The following ZNF544 variants were observed in gnomAD, a reference collection of about 807,000 sequenced individuals.
ZNF544 encodes the protein zinc finger protein AF020591.
In ZNF544, 10 loss-of-function variants were observed where a neutral mutation model predicts 13.5. That is an observed-to-expected ratio of 0.74 (90% CI 0.46 to 1.25). The LOEUF is 1.25. Among genes scored for constraint, ZNF544 ranks in the 50% most tolerant of loss-of-function variants. The pLI is 0.00. For synonymous variants in ZNF544, 323 were observed against 300.5 expected (o/e 1.07, Z -0.77); for missense variants, 896 against 845.6 (o/e 1.06, Z -0.74).
At position 58,273,373 on chromosome 19, in the gene ZNF544, C is replaced by T. The variant is rs543362709; in HGVS notation, c.245-2950C>T. On this transcript the variant is annotated intron_variant, in intron 5 of 6. Coordinates refer to the ZNF544 transcript ENST00000595981. ...TAAGTACTCTGTATCAAATGATCAA[C>T]ATGAATACAAAATACCAAAGCTTGC... 5.3e-5 allele frequency among the ~76,000 whole-genome samples: 8 copies of T among 152,090 alleles called. No individual in the cohort carries two copies. The South Asian group carries it at 1.7e-3, about 32-fold the overall frequency.
chr19:58,264,915 T>G (rs1230804149), downstream of ZNF544, among the ~76,000 whole-genome samples: 6 of 151,244 alleles, frequency 4.0e-5, no homozygotes, highest in African/African-American at 1.5e-4. Context: ...GAGGCAGGAG[T>G]ATTACTTGAG....
Position 58,260,921 on chromosome 19 carries a change from C to A in ZNF544, c.315C>A (p.His105Gln). ...ATCGAGCTAGGGAAGAACTATCCCACCACGTGGAAGTGTACAGGAGTGGAC... is the reference window on the plus strand; with the variant it reads ...ATCGAGCTAGGGAAGAACTATCCCAACACGTGGAAGTGTACAGGAGTGGAC... ...EKDRAREELS[H>Q]HVEVYRSGPE... Residue 105 changes from histidine to glutamine, a missense_variant, in exon 7 of 7, where the codon CAC becomes CAA. His to Gln is a conservative substitution (Grantham distance 24). Transcript: ENST00000687789. 6.2e-7 allele frequency: 1 copy of A among 1,613,968 alleles called. No individual in the cohort carries two copies. The highest frequency in any genetic ancestry group is 8.5e-7 in the Non-Finnish European group (1 of 1,179,992).
chr19:58,261,326 C>G lies in ZNF544; in HGVS notation c.720C>G (p.Asn240Lys). The part of the protein sequence containing the change: ...KLGNVETGKK[N>K]PYEYIVSGDS... ...GAAACGTTGAAACAGGAAAGAAAAA[C>G]CCTTATGAATATATTGTCAGTGGTG... The change falls in exon 7 of 7, where the codon AAC becomes AAG. Residue 240 changes from asparagine to lysine, a missense_variant. By Grantham distance (94) the Asn-to-Lys change is moderately conservative. Coordinates refer to ENST00000687789, the MANE Select transcript of ZNF544 (RefSeq NM_014480.4). The G allele has an allele frequency of 1.2e-6, 2 of 1,614,116 alleles. No individual in the cohort carries two copies. The highest frequency in any genetic ancestry group is 1.7e-6 in the Non-Finnish European group (2 of 1,180,038).
rs1568498428 is a variant in ZNF544, at chr19:58,261,346, G to C, written c.740G>C (p.Ser247Thr). The C allele has an allele frequency of 6.2e-7, 1 of 1,614,184 alleles. No individual in the cohort carries two copies. Among genetic ancestry groups the C allele is most frequent in the Non-Finnish European group, 8.5e-7 (1 of 1,180,044 alleles). The change falls in exon 7 of 7, where the codon AGT (serine) becomes ACT (threonine). Residue 247 changes from serine (S) to threonine (T), a missense_variant. Physicochemically the swap from Ser to Thr is moderately conservative, Grantham distance 58. Transcript: ENST00000687789. ...AAAAACCCTTATGAATATATTGTCA[G>C]TGGTGACTCTCTCAACTATGGTTCC... Reference protein sequence around the residue: ...GKKNPYEYIVSGDSLNYGSSL... With the variant: ...GKKNPYEYIVTGDSLNYGSSL...
chr19:58,273,940 C>T (rs1208190595), intron 5 of ZNF544, among the ~76,000 whole-genome samples: 4 of 151,596 alleles, frequency 2.6e-5, no homozygotes, highest in East Asian at 4.0e-4. Flanking sequence ...GGATTACAGG[C>T]GCATGCCACC....
intron 5 of ZNF544, among the ~76,000 whole-genome samples, chr19:58,276,100 C>T (rs1007625035): frequency 1.6e-4 from 24 of 152,246 alleles, no homozygotes; most frequent in Admixed American, 1.4e-3. Context: ...TCACTTGAGC[C>T]TGGGAAGTGG....
At chr19:58,266,833 G>C (rs1466229749), downstream of ZNF544, 2 of 152,220 alleles carry the variant, frequency 1.3e-5, no homozygotes, top group Non-Finnish European at 2.9e-5. Flanking sequence ...TCTGCAGCAA[G>C]GGCTGCTTTA....
chr19:58,267,849 C>T (rs1455348890), downstream of ZNF544, among the ~76,000 whole-genome samples: 119 of 149,850 alleles, frequency 7.9e-4, 1 homozygote, highest in East Asian at 2.0e-4. Flanking sequence ...GGCATGGTGG[C>T]GGGCACCTGT....
chr19:58,277,336 A>G, exon 7 of ZNF544: 1 of 1,074,564 alleles, frequency 9.3e-7, no homozygotes, highest in African/African-American at 1.6e-5. Flanking sequence ...CCCACTGGTA[A>G]CGTCTTCACC....
chr19:58,259,726 C>G (rs2048477780), intron 6 of ZNF544: 1 of 152,084 alleles, frequency 6.6e-6, no homozygotes, highest in African/African-American at 2.4e-5. Flanking sequence ...TTAGAGCCCC[C>G]CTGGATAGTA....
In ZNF544 at chr19:58,260,789, TC is replaced by T. The variant is rs2048753149; in HGVS notation, c.245-57del. 3.5e-6 allele frequency: 5 copies of T among 1,426,904 alleles called. No homozygotes were observed. In the East Asian group the frequency reaches 9.5e-5, roughly 27 times the overall value. The allele number at this position is 1,426,904 out of a possible 1,614,324, so 88.4% of individuals were successfully genotyped here. The stretch of plus-strand genomic sequence containing the variant: ...CCATTAAACAGTTGTCTCCTTCATC[TC>T]CCCCTCCCCCTCCCCCTCTGATGCT... On this transcript the variant is annotated intron_variant, in intron 6 of 6. Coordinates refer to ENST00000687789, the MANE Select transcript of ZNF544 (RefSeq NM_014480.4).
chr19:58,249,631 G>A (rs1245596693), intron 6 of ZNF544, among the ~76,000 whole-genome samples: 3 of 152,250 alleles, frequency 2.0e-5, no homozygotes, highest in African/African-American at 7.2e-5. Context: ...AGGCCCAGTT[G>A]GGTAGTTTTT....
intron 6 of ZNF544, chr19:58,259,727 CT>C (rs1231905268): frequency 1.3e-5 from 2 of 152,090 alleles, no homozygotes; most frequent in African/African-American, 4.8e-5. Flanking sequence ...TAGAGCCCCC[CT>C]GGATAGTACA....
chr19:58,243,886 C>T (rs745488815), intron 3 of ZNF544, 79 bp from the exon 4 acceptor site: 16 of 1,214,082 alleles, frequency 1.3e-5, no homozygotes, highest in Admixed American at 2.9e-5. Flanking sequence ...TGGCCGGCCC[C>T]GCGTTCTCTA....
Position 58,256,370 on chromosome 19 carries a change from G to T in ZNF544, c.245-4481G>T, listed in dbSNP as rs773964638. Reference sequence around the variant, plus strand: ...CGAATTAAGAGTCCTTAATTAAGCCGGCGGCCAAAGAGACGGCTAATGCTC... The same window carrying T: ...CGAATTAAGAGTCCTTAATTAAGCCTGCGGCCAAAGAGACGGCTAATGCTC... On this transcript the variant is annotated intron_variant, in intron 6 of 6. Transcript: ENST00000687789. Among the ~76,000 whole-genome samples, 81 of 151,848 alleles carry T rather than the reference G, an allele frequency of 5.3e-4. 1 individual carries two copies. Among genetic ancestry groups the T allele is most frequent in the Non-Finnish European group, 1.9e-4 (13 of 67,994 alleles).
At chr19:58,273,460 G>T (rs763674536) in intron 5 of ZNF544, among the ~76,000 whole-genome samples, 7 of 152,166 alleles carry the variant, frequency 4.6e-5, no homozygotes, top group Non-Finnish European at 1.0e-4. Context: ...GGAGGCCAAG[G>T]TGGGCGGATC....
chr19:58,245,490 C>T (rs183341096), intron 4 of ZNF544, among the ~76,000 whole-genome samples: 37 of 148,850 alleles, frequency 2.5e-4, no homozygotes, highest in Admixed American at 1.7e-3. Flanking sequence ...TTAGTAGAGA[C>T]GGGGTTTCAC....
intron 3 of ZNF544, among the ~76,000 whole-genome samples, chr19:58,234,527 T>C (rs967249475): frequency 1.3e-5 from 2 of 152,268 alleles, no homozygotes; most frequent in Non-Finnish European, 2.9e-5. Context: ...CCAGAGTTAA[T>C]CATCGTTGAT....
intron 3 of ZNF544, among the ~76,000 whole-genome samples, chr19:58,237,584 C>T (rs1378806922): frequency 1.3e-5 from 2 of 152,198 alleles, no homozygotes; most frequent in African/African-American, 4.8e-5. Context: ...GTCCGAGGGG[C>T]CCTTCCAGCT....
Sources: allele counts gnomAD v4.1 joint callset (sites outside exome capture counted in the v4.1 genomes callset), GRCh38; gene constraint gnomAD v4.1.1; transcripts MANE v1.5; gene names NCBI Gene and HGNC (gene_info 2026-07-23, HGNC 2026-07-21).